Variants in ARHGEF33 observed in about 807,000 individuals in gnomAD.
ARHGEF33 encodes the protein DH and coiled-coil domain-containing protein ENSP00000381780.
Under a neutral mutation model 101.9 loss-of-function variants are expected in ARHGEF33, and 72 were observed. That is an observed-to-expected ratio of 0.71 (90% CI 0.58 to 0.86). The LOEUF (loss-of-function observed/expected upper bound fraction) is 0.86. Among genes scored for constraint, ARHGEF33 ranks in the 40% least tolerant of loss-of-function variants. ARHGEF33 has a pLI of 0.00. For missense variants in ARHGEF33, 1,169 were observed against 1,111.3 expected, an observed-to-expected ratio of 1.05 and a Z score of -0.74; for synonymous variants, 499 against 442.5, an observed-to-expected ratio of 1.13 and a Z score of -1.60.
intron 2 of ARHGEF33, among the ~76,000 whole-genome samples, chr2:38,905,608 A>G (rs1362770914): frequency 6.6e-6 from 1 of 152,132 alleles, no homozygotes. Context: ...CTATTCCCAG[A>G]CTGTATGGGC....
At chr2:38,942,468 CT>C (rs58695451) in intron 9 of ARHGEF33, among the ~76,000 whole-genome samples, 15,851 of 132,698 alleles carry the variant, frequency 0.12, 2,980 homozygotes, top group African/African-American at 0.4. Context: ...CCCCTCTTAT[CT>C]TTTTTTTTTT....
chr2:38,896,653 A>C (rs1228166056), intron 2 of ARHGEF33, among the ~76,000 whole-genome samples: 1 of 152,230 alleles, frequency 6.6e-6, no homozygotes, highest in East Asian at 1.9e-4. Flanking sequence ...ACAAAATGAA[A>C]TAAGTAGCAC....
chr2:38,960,584 C>A lies in ARHGEF33; in HGVS notation c.2279C>A (p.Ser760Tyr). The A allele has an allele frequency of 7.2e-7, 1 of 1,380,878 alleles. No homozygotes were observed. Among genetic ancestry groups the A allele is most frequent in the East Asian group, 3.9e-5 (1 of 25,490 alleles). The allele number at this position is 1,380,878 out of a possible 1,614,324, so 85.5% of individuals were successfully genotyped here. A position where few individuals can be genotyped will look rare whatever the true frequency, so the allele number is the denominator to read the frequency against. ...GCCGCCGTCGCCGCCCGCGGCGCAT[C>A]CAGGACCTTCTTCCCCCAACAGAGG... Reference protein sequence around the residue: ...AAAAVAARGASRTFFPQQRSQ... With the variant: ...AAAAVAARGAYRTFFPQQRSQ... Residue 760 changes from serine (S) to tyrosine (Y), a missense_variant, in exon 16 of 18, where the codon TCC (serine) becomes TAC (tyrosine). Coordinates refer to ENST00000409978, the MANE Select transcript of ARHGEF33 (RefSeq NM_001145451.5).
chr2:38,893,173 T>C (rs7423829), intron 1 of ARHGEF33, among the ~76,000 whole-genome samples: 11 of 119,040 alleles, frequency 9.2e-5, no homozygotes, highest in Middle Eastern at 4.3e-3. Flanking sequence ...TTTTTTTTTT[T>C]CTTTTTTTGA....
intron 12 of ARHGEF33, 128 bp from the exon 13 acceptor site, chr2:38,954,245 T>C: frequency 1.5e-6 from 1 of 648,884 alleles, no homozygotes; most frequent in Non-Finnish European, 2.8e-6. Context: ...ACAGCAATGC[T>C]CTATGACAAT....
intron 1 of ARHGEF33, among the ~76,000 whole-genome samples, chr2:38,890,664 T>A (rs1427561109): frequency 3.3e-5 from 5 of 152,234 alleles, no homozygotes; most frequent in African/African-American, 1.2e-4. Context: ...TATGCTGAAA[T>A]AGTATTCTGA....
chr2:38,960,038 T>C lies in ARHGEF33; in HGVS notation c.1733T>C (p.Met578Thr). 1.3e-6 allele frequency: 2 copies of C among 1,545,452 alleles called. No homozygotes were observed. Among genetic ancestry groups the C allele is most frequent in the African/African-American group, 1.4e-5 (1 of 73,024 alleles). ...LAGPLQAIPE[M>T]DFESSPAEPL... is the part of the protein sequence containing the mutation. ...GGGCCCCTGCAGGCCATCCCGGAGATGGACTTCGAGTCCTCTCCGGCGGAG... is the reference window on the plus strand; with the variant it reads ...GGGCCCCTGCAGGCCATCCCGGAGACGGACTTCGAGTCCTCTCCGGCGGAG... The change falls in exon 16 of 18, where the codon ATG (methionine) becomes ACG (threonine). Residue 578 changes from methionine (M) to threonine (T), a missense_variant. Physicochemically the swap from Met to Thr is moderately conservative, Grantham distance 81. Transcript: ENST00000409978.
At chr2:38,950,963 T>A in intron 10 of ARHGEF33, 26 bp from the exon 11 acceptor site, 2 of 1,548,312 alleles carry the variant, frequency 1.3e-6, no homozygotes, top group South Asian at 1.2e-5. Flanking sequence ...CTTGTTTGTG[T>A]GATTCCGTCT....
At chr2:38,970,187 T>G (rs1400448350) in intron 17 of ARHGEF33, among the ~76,000 whole-genome samples, 3 of 152,198 alleles carry the variant, frequency 2.0e-5, no homozygotes, top group African/African-American at 7.2e-5. Context: ...TCAGAGTGTC[T>G]CCCTTCTCAT....
intron 16 of ARHGEF33, among the ~76,000 whole-genome samples, chr2:38,962,582 A>G (rs1667968462): frequency 6.6e-6 from 1 of 152,180 alleles, no homozygotes; most frequent in South Asian, 2.1e-4. Context: ...GTTCAAAATG[A>G]GATACCAAGG....
At chr2:38,910,694 T>C (rs571138274) in intron 2 of ARHGEF33, among the ~76,000 whole-genome samples, 1 of 152,374 alleles carries the variant, frequency 6.6e-6, no homozygotes, top group East Asian at 1.9e-4. Flanking sequence ...AGTCCTACTT[T>C]GTATTATTTC....
chr2:38,906,324 C>T (rs759062974), intron 2 of ARHGEF33, among the ~76,000 whole-genome samples: 102 of 151,950 alleles, frequency 6.7e-4, no homozygotes, highest in Admixed American at 2.2e-3. Context: ...TTAACTTATT[C>T]CTGTCCCAAC....
At chr2:38,946,847 A>T (rs1667464376) in intron 10 of ARHGEF33, among the ~76,000 whole-genome samples, 1 of 152,114 alleles carries the variant, frequency 6.6e-6, no homozygotes. Context: ...GCTGGTCTCG[A>T]ACTCCTGACC....
intron 9 of ARHGEF33, among the ~76,000 whole-genome samples, chr2:38,941,515 TA>T (rs1667305859): frequency 6.6e-6 from 1 of 152,176 alleles, no homozygotes; most frequent in Non-Finnish European, 1.5e-5. Flanking sequence ...ACCATTCTGA[TA>T]CTCAGTTTTT....
At chr2:38,956,368 A>T (rs544321586) in intron 13 of ARHGEF33, among the ~76,000 whole-genome samples, 23 of 152,210 alleles carry the variant, frequency 1.5e-4, no homozygotes, top group Non-Finnish European at 3.2e-4. Context: ...ATTAAATGAG[A>T]TAATATACAT....
chr2:38,918,665 A>G (rs1426449301), intron 2 of ARHGEF33, among the ~76,000 whole-genome samples: 1 of 152,210 alleles, frequency 6.6e-6, no homozygotes, highest in Non-Finnish European at 1.5e-5. Context: ...AGTGGGGACA[A>G]GGCTATCAAG....
chr2:38,954,579 T>G (rs1445213078), intron 13 of ARHGEF33, 123 bp downstream of exon 13: 6 of 677,484 alleles, frequency 8.9e-6, no homozygotes, highest in Admixed American at 2.4e-5. Flanking sequence ...AGTGTTTATT[T>G]AGATTGTTAT....
At chr2:38,935,341 C>T (rs564408700) in intron 7 of ARHGEF33, among the ~76,000 whole-genome samples, 5 of 135,206 alleles carry the variant, frequency 3.7e-5, no homozygotes, top group South Asian at 4.7e-4. Context: ...CCACCATGCC[C>T]GGCTAATTTC....
intron 2 of ARHGEF33, among the ~76,000 whole-genome samples, chr2:38,899,530 T>G (rs904436247): frequency 6.6e-5 from 10 of 151,896 alleles, no homozygotes; most frequent in African/African-American, 2.4e-4. Context: ...GAGTAGAATG[T>G]TGGTTTCCAG....
Sources: allele counts gnomAD v4.1 joint callset (sites outside exome capture counted in the v4.1 genomes callset), GRCh38; gene constraint gnomAD v4.1.1; transcripts MANE v1.5; gene names NCBI Gene and HGNC (gene_info 2026-07-23, HGNC 2026-07-21).